NAV2: variants seen among roughly 807,000 people sequenced by gnomAD.
The protein encoded by NAV2 is neuron navigator 2.
In NAV2, 54 loss-of-function variants were observed where a neutral mutation model predicts 223.2. The ratio of observed to expected loss-of-function variants is 0.24; its 90% CI spans 0.19 to 0.30. The LOEUF is 0.30. Among genes scored for constraint, NAV2 ranks in the 10% least tolerant of loss-of-function variants. The pLI, the probability that NAV2 is intolerant of heterozygous loss-of-function variation, is 1.00. For synonymous variants in NAV2, 1,279 were observed against 1,239.3 expected (o/e 1.03, Z -0.67); for missense variants, 2,806 against 3,147.5 (o/e 0.89, Z 2.60).
chr11:19,588,733 C>A (rs995777990), intron 1 of NAV2, among the ~76,000 whole-genome samples: 1 of 152,114 alleles, frequency 6.6e-6, no homozygotes, highest in African/African-American at 2.4e-5. Context: ...TTTAAGAGAG[C>A]TAACTGCTAG....
intron 6 of NAV2, among the ~76,000 whole-genome samples, chr11:19,917,413 G>T (rs539002889): frequency 6.6e-6 from 1 of 152,172 alleles, no homozygotes; most frequent in Non-Finnish European, 1.5e-5. Context: ...TCTGCCTTCT[G>T]TAAGGCAGTT....
rs550355563 is a variant in NAV2, at chr11:19,552,417, C to T, written c.75+201390C>T. On this transcript the variant is annotated intron_variant, in intron 1 of 37. Coordinates refer to the NAV2 transcript ENST00000360655. ...CCCAGAAACCCAGGGGTTGTTCCAT[C>T]GGGGCTCAGGGGCATGGAGCCCAGG... 1.7e-3 allele frequency among the ~76,000 whole-genome samples: 257 copies of T among 152,222 alleles called. 1 individual carries two copies. Among genetic ancestry groups the T allele is most frequent in the African/African-American group, 5.5e-3 (228 of 41,552 alleles).
At chr11:19,696,181 A>T (rs1329335449) in intron 1 of NAV2, among the ~76,000 whole-genome samples, 1 of 152,240 alleles carries the variant, frequency 6.6e-6, no homozygotes, top group African/African-American at 2.4e-5. Flanking sequence ...AAAAATAAAA[A>T]AAATAAACTG....
intron 1 of NAV2, among the ~76,000 whole-genome samples, chr11:19,567,669 T>C (rs946218357): frequency 3.9e-5 from 6 of 152,194 alleles, no homozygotes; most frequent in Non-Finnish European, 8.8e-5. Flanking sequence ...CTATGGCCCT[T>C]TAACCTCCAG....
intron 1 of NAV2, among the ~76,000 whole-genome samples, chr11:19,550,444 C>A (rs754001824): frequency 2.0e-5 from 3 of 152,222 alleles, no homozygotes; most frequent in Non-Finnish European, 4.4e-5. Context: ...CTGGGATTGA[C>A]AATTTCCATT....
At chr11:19,990,556 A>G (rs1040782813) in intron 11 of NAV2, among the ~76,000 whole-genome samples, 2 of 151,444 alleles carry the variant, frequency 1.3e-5, no homozygotes, top group Admixed American at 6.6e-5. Flanking sequence ...TCTACTTGTT[A>G]TGTACGGTCT....
intron 10 of NAV2, among the ~76,000 whole-genome samples, chr11:19,976,851 C>T (rs919457303): frequency 2.6e-5 from 4 of 152,182 alleles, no homozygotes; most frequent in Admixed American, 2.0e-4. Flanking sequence ...GCCATGGTCA[C>T]GTCATCCTAT....
chr11:20,088,812 G>A (rs1239876637), intron 26 of NAV2, among the ~76,000 whole-genome samples: 1 of 152,160 alleles, frequency 6.6e-6, no homozygotes, highest in Non-Finnish European at 1.5e-5. Flanking sequence ...AGCCTCACAT[G>A]GTGTCAGCCA....
At position 19,713,588 on chromosome 11, in the gene NAV2, C is replaced by T. The variant is rs558209556; in HGVS notation, c.-108C>T. The T allele has an allele frequency of 1.4e-6, 2 of 1,418,358 alleles. No individual in the cohort carries two copies. The highest frequency in any genetic ancestry group is 2.7e-5 in the East Asian group (1 of 37,700). 87.9% of individuals were successfully genotyped at this position (1,418,358 alleles called of 1,614,324 possible). On this transcript the variant is annotated 5_prime_UTR_variant, in exon 1 of 38. Transcript: ENST00000349880. This position sits in a 1 kb window ranked among gnomAD's most constrained non-coding sequence, Gnocchi z 7.2. ...TTTTTTAGCCGCTGGTGGTGGGCGC[C>T]TCGTGGGCTAAGGCCCGGCGCCTGC...
At chr11:19,769,559 TG>T (rs1467788774) in intron 1 of NAV2, among the ~76,000 whole-genome samples, 1 of 152,146 alleles carries the variant, frequency 6.6e-6, no homozygotes, top group East Asian at 1.9e-4. Flanking sequence ...CCGACCCCAG[TG>T]GTGCTCACTG....
chr11:19,855,144 TA>T (rs981908139), intron 3 of NAV2, among the ~76,000 whole-genome samples: 22 of 152,090 alleles, frequency 1.4e-4, no homozygotes, highest in Non-Finnish European at 2.1e-4. Flanking sequence ...AGTGGTGGAT[TA>T]AAAAAATAAA....
At chr11:20,110,145 T>A (rs2062500471) in intron 36 of NAV2, among the ~76,000 whole-genome samples, 1 of 152,228 alleles carries the variant, frequency 6.6e-6, no homozygotes, top group African/African-American at 2.4e-5. Context: ...GACTCACTAG[T>A]TCAGTGTGAG....
chr11:19,496,019 A>G (rs1392384925), intron 1 of NAV2, among the ~76,000 whole-genome samples: 2 of 152,192 alleles, frequency 1.3e-5, no homozygotes, highest in African/African-American at 4.8e-5. Context: ...GATACAGCTG[A>G]GACCCAAAGA....
At chr11:19,445,004 C>G (rs1185850667) in intron 1 of NAV2, among the ~76,000 whole-genome samples, 3 of 152,194 alleles carry the variant, frequency 2.0e-5, no homozygotes, top group Non-Finnish European at 4.4e-5. Context: ...ACCACAACCA[C>G]CATCTCTGCT....
intron 22 of NAV2, among the ~76,000 whole-genome samples, chr11:20,074,925 A>C (rs918181306): frequency 1.3e-5 from 2 of 151,972 alleles, no homozygotes; most frequent in African/African-American, 4.8e-5. Context: ...TGATTGGGGC[A>C]TTTAGCCTGT....
At chr11:20,049,786 C>T (rs377736467) in intron 15 of NAV2, 50 bp from the exon 16 acceptor site, 1 of 1,565,680 alleles carries the variant, frequency 6.4e-7, no homozygotes, top group Admixed American at 1.7e-5. Flanking sequence ...CCTCTCCTTT[C>T]TTCCAAGCTA....
At chr11:19,997,040 G>A (rs183875863) in intron 11 of NAV2, among the ~76,000 whole-genome samples, 85 of 152,260 alleles carry the variant, frequency 5.6e-4, no homozygotes, top group African/African-American at 1.9e-3. Context: ...GCAAAATAAG[G>A]CTTGAAAAAA....
At chr11:20,080,708 C>T (rs2060037840) in intron 25 of NAV2, among the ~76,000 whole-genome samples, 1 of 152,114 alleles carries the variant, frequency 6.6e-6, no homozygotes, top group Admixed American at 6.5e-5. Flanking sequence ...TAAAAGTGTC[C>T]TAATGTCAGT....
At chr11:19,989,329 G>A (rs1052698713) in intron 11 of NAV2, among the ~76,000 whole-genome samples, 1 of 152,194 alleles carries the variant, frequency 6.6e-6, no homozygotes, top group Non-Finnish European at 1.5e-5. Context: ...GCCATTGCCA[G>A]CTTTGAAGAT....
Sources: allele counts gnomAD v4.1 joint callset (sites outside exome capture counted in the v4.1 genomes callset), GRCh38; gene constraint gnomAD v4.1.1; non-coding constraint Gnocchi (gnomAD v3.1); transcripts MANE v1.5; gene names NCBI Gene and HGNC (gene_info 2026-07-23, HGNC 2026-07-21).